Variants in ANKRD55 observed in about 807,000 individuals in gnomAD.
ANKRD55 encodes ankyrin repeat domain 55, also known as ankyrin repeat domain-containing protein 55.
Under a neutral mutation model 60.6 loss-of-function variants are expected in ANKRD55, and 41 were observed. The observed-to-expected ratio is 0.68, with a 90% CI of 0.53 to 0.88. ANKRD55 has a LOEUF of 0.88. Ranked by LOEUF, ANKRD55 falls within the 40% of genes least tolerant of loss-of-function variation. ANKRD55 has a pLI of 0.00. For missense variants in ANKRD55, 732 were observed against 767.6 expected (o/e 0.95, Z 0.55); for synonymous variants, 264 against 290.3 (o/e 0.91, Z 0.92).
intron 5 of ANKRD55, among the ~76,000 whole-genome samples, chr5:56,163,341 C>G (rs1026341452): frequency 2.0e-5 from 3 of 152,066 alleles, no homozygotes. Context: ...ATGGAGGTGA[C>G]CTGCGAGATA....
chr5:56,113,070 T>C (rs180854340), intron 9 of ANKRD55, among the ~76,000 whole-genome samples: 12 of 152,296 alleles, frequency 7.9e-5, no homozygotes, highest in African/African-American at 2.9e-4. Context: ...AATATGTCTG[T>C]GTGAATTGAT....
At position 56,099,883 on chromosome 5, in the gene ANKRD55, G is replaced by A. The variant is rs1040103925; in HGVS notation, c.*300C>T. The stretch of plus-strand genomic sequence containing the variant: ...CAAAGAACAATAACAAAAAAACAGT[G>A]CACATGCCACAAAGCAAACCAAACA... On this transcript the variant is annotated 3_prime_UTR_variant, in exon 12 of 12. Transcript: ENST00000341048. The A allele has an allele frequency of 2.9e-5, 7 of 240,914 alleles. No individual in the cohort carries two copies. Among genetic ancestry groups the A allele is most frequent in the Middle Eastern group, 2.9e-3 (2 of 694 alleles). The allele number at this position is 240,914 out of a possible 1,614,324, so 14.9% of individuals were successfully genotyped here. A position where few individuals can be genotyped will look rare whatever the true frequency, so the allele number is the denominator to read the frequency against.
At chr5:56,151,841 G>A (rs10447120) in intron 6 of ANKRD55, among the ~76,000 whole-genome samples, 7 of 53,446 alleles carry the variant, frequency 1.3e-4, no homozygotes, top group Admixed American at 3.6e-4. Flanking sequence ...ATATATATAT[G>A]TGTGTGTGTA....
chr5:56,204,549 GC>G (rs1160785931), intron 2 of ANKRD55, among the ~76,000 whole-genome samples: 2 of 151,996 alleles, frequency 1.3e-5, no homozygotes, highest in East Asian at 3.9e-4. Context: ...CCTTTGCTTG[GC>G]ACTTCTCCTT....
intron 2 of ANKRD55, among the ~76,000 whole-genome samples, chr5:56,208,400 T>C (rs1289771742): frequency 6.7e-5 from 10 of 148,652 alleles, no homozygotes; most frequent in Non-Finnish European, 8.8e-5. Flanking sequence ...TTGTATGTGT[T>C]TTTTTAAAAA....
chr5:56,126,795 G>T, intron 8 of ANKRD55, 127 bp downstream of exon 8: 1 of 1,016,972 alleles, frequency 9.8e-7, no homozygotes, highest in Non-Finnish European at 1.4e-6. Flanking sequence ...ATTGTCACAA[G>T]CCCATGTGTA....
At chr5:56,139,277 C>T (rs1561266004) in intron 7 of ANKRD55, among the ~76,000 whole-genome samples, 1 of 152,058 alleles carries the variant, frequency 6.6e-6, no homozygotes, top group African/African-American at 2.4e-5. Flanking sequence ...ATTCAATGAA[C>T]ACCTCTTTAG....
chr5:56,198,040 T>G (rs968589452), intron 2 of ANKRD55, among the ~76,000 whole-genome samples: 31 of 152,328 alleles, frequency 2.0e-4, no homozygotes, highest in Non-Finnish European at 4.1e-4. Context: ...TTGTATTTAT[T>G]GCCCTTCTTT....
At chr5:56,154,250 C>T (rs1223805801) in intron 6 of ANKRD55, among the ~76,000 whole-genome samples, 1 of 147,804 alleles carries the variant, frequency 6.8e-6, no homozygotes, top group East Asian at 2.0e-4. Flanking sequence ...AGAGTGGTAC[C>T]TTTTTTTAAA....
intron 4 of ANKRD55, among the ~76,000 whole-genome samples, chr5:56,173,564 C>CTT (rs1561280790): frequency 1.0e-4 from 12 of 115,198 alleles, no homozygotes; most frequent in African/African-American, 3.8e-4. Flanking sequence ...CTCTCTCTCT[C>CTT]TCTCTCTCTC....
intron 6 of ANKRD55, 54 bp downstream of exon 6, chr5:56,159,779 T>G (rs952303933): frequency 7.6e-6 from 12 of 1,573,316 alleles, no homozygotes; most frequent in Admixed American, 1.7e-5. Context: ...GAAACGCCCT[T>G]CCTTTCACCC....
chr5:56,205,738 A>C (rs549288604), intron 2 of ANKRD55, among the ~76,000 whole-genome samples: 14 of 152,178 alleles, frequency 9.2e-5, no homozygotes, highest in Admixed American at 5.9e-4. Flanking sequence ...CCACTTATAA[A>C]ACTGCCCCTA....
chr5:56,114,103 TGG>T (rs1756819913), intron 9 of ANKRD55: 1 of 148,026 alleles, frequency 6.8e-6, no homozygotes, highest in Non-Finnish European at 1.5e-5. Flanking sequence ...CCGAGGCGGG[TGG>T]ATTACCTGAG....
At chr5:56,119,750 C>CA (rs35972618) in intron 8 of ANKRD55, among the ~76,000 whole-genome samples, 19,665 of 151,254 alleles carry the variant, frequency 0.13, 1,719 homozygotes, top group Middle Eastern at 0.19. Context: ...CCAGTCTCTA[C>CA]AAAAAAAATA....
intron 6 of ANKRD55, among the ~76,000 whole-genome samples, chr5:56,154,584 GTT>G (rs368083555): frequency 4.5e-5 from 6 of 134,744 alleles, no homozygotes; most frequent in Admixed American, 7.7e-5. Flanking sequence ...TAGTTTTAAA[GTT>G]TTTTTTTTTT....
At chr5:56,198,299 G>GTT (rs535901595) in intron 2 of ANKRD55, among the ~76,000 whole-genome samples, 35 of 150,678 alleles carry the variant, frequency 2.3e-4, no homozygotes, top group African/African-American at 8.0e-4. Context: ...TATTATTACT[G>GTT]TTTTTTTTTC....
chr5:56,159,956 G>T, intron 5 of ANKRD55, 63 bp from the exon 6 acceptor site: 3 of 1,463,762 alleles, frequency 2.0e-6, no homozygotes, highest in Non-Finnish European at 2.9e-6. Flanking sequence ...TCTTGGAATC[G>T]GTATAAAAAC....
At chr5:56,141,881 C>T (rs953944735) in intron 7 of ANKRD55, among the ~76,000 whole-genome samples, 6 of 152,144 alleles carry the variant, frequency 3.9e-5, no homozygotes, top group African/African-American at 1.4e-4. Flanking sequence ...TCATTCTGAC[C>T]ATGCATACCC....
At chr5:56,136,090 G>A (rs1757592009) in intron 7 of ANKRD55, among the ~76,000 whole-genome samples, 1 of 151,936 alleles carries the variant, frequency 6.6e-6, no homozygotes, top group Non-Finnish European at 1.5e-5. Context: ...ATATGGTAAG[G>A]GTAAGAGCAA....
Sources: allele counts gnomAD v4.1 joint callset (sites outside exome capture counted in the v4.1 genomes callset), GRCh38; gene constraint gnomAD v4.1.1; transcripts MANE v1.5; gene names NCBI Gene and HGNC (gene_info 2026-07-23, HGNC 2026-07-21).